Variants in MBD5 observed in about 807,000 individuals in gnomAD.
The protein encoded by MBD5 is methyl-CpG binding domain protein 5.
Under a neutral mutation model 117.3 loss-of-function variants are expected in MBD5, and 13 were observed. The ratio of observed to expected loss-of-function variants is 0.11; its 90% CI spans 0.07 to 0.18. The LOEUF (loss-of-function observed/expected upper bound fraction) is 0.18. Among genes scored for constraint, MBD5 ranks in the 10% least tolerant of loss-of-function variants. MBD5 has a pLI of 1.00. For missense variants in MBD5, 1,879 were observed against 2,093.8 expected, an observed-to-expected ratio of 0.90 and a Z score of 2.00; for synonymous variants, 727 against 766.4, an observed-to-expected ratio of 0.95 and a Z score of 0.85.
intron 1 of MBD5, among the ~76,000 whole-genome samples, chr2:148,085,257 G>A (rs1176325498): frequency 6.6e-6 from 1 of 152,178 alleles, no homozygotes; most frequent in African/African-American, 2.4e-5. Context: ...ACTGGTAATT[G>A]TGGTTGATTG....
chr2:148,268,784 T>G (rs1328201211), intron 3 of MBD5, among the ~76,000 whole-genome samples: 2 of 151,936 alleles, frequency 1.3e-5, no homozygotes, highest in African/African-American at 4.8e-5. Context: ...ATATATTTTA[T>G]TAAATTTCCC....
intron 1 of MBD5, among the ~76,000 whole-genome samples, chr2:148,151,937 T>A (rs909835947): frequency 6.6e-6 from 1 of 151,874 alleles, no homozygotes; most frequent in Admixed American, 6.6e-5. Flanking sequence ...TGTCTCTCTT[T>A]CCTTCAGTTC....
At chr2:148,345,828 G>T (rs551178438) in intron 4 of MBD5, among the ~76,000 whole-genome samples, 2 of 151,886 alleles carry the variant, frequency 1.3e-5, no homozygotes, top group East Asian at 3.9e-4. Flanking sequence ...GAAGAACTTG[G>T]AGTCCAATGT....
intron 3 of MBD5, among the ~76,000 whole-genome samples, chr2:148,259,758 T>C (rs1191514806): frequency 3.3e-5 from 5 of 152,202 alleles, no homozygotes; most frequent in Non-Finnish European, 7.3e-5. Context: ...CATCTAATGC[T>C]CCTCACGTGG....
Position 148,046,399 on chromosome 2 carries a change from A to G in MBD5, c.-925+24715A>G, listed in dbSNP as rs1694535279. ...ACACATCAAAATAATTCAGCATATG[A>G]TTAAGTTGTAGACTGAGTGGTTAGC... On this transcript the variant is annotated intron_variant, in intron 1 of 13. Coordinates refer to ENST00000642680, the MANE Select transcript of MBD5 (RefSeq NM_001378120.1). Among the ~76,000 whole-genome samples the G allele has an allele frequency of 2.6e-5, 4 of 152,188 alleles. No individual in the cohort carries two copies. The South Asian group carries it at 8.3e-4, about 32-fold the overall frequency.
intron 1 of MBD5, among the ~76,000 whole-genome samples, chr2:148,074,508 T>G (rs1470802331): frequency 5.4e-5 from 2 of 37,006 alleles, no homozygotes; most frequent in Non-Finnish European, 1.2e-4. Flanking sequence ...TTTTTTTTTG[T>G]TTTTTTTTTT....
chr2:148,243,136 A>G (rs1445814729), intron 3 of MBD5, among the ~76,000 whole-genome samples: 1 of 148,628 alleles, frequency 6.7e-6, no homozygotes, highest in African/African-American at 2.4e-5. Context: ...CCACCAAAAA[A>G]AAAAAACTGC....
intron 1 of MBD5, among the ~76,000 whole-genome samples, chr2:148,117,177 A>G (rs1020609832): frequency 4.6e-5 from 7 of 152,154 alleles, no homozygotes; most frequent in Non-Finnish European, 1.0e-4. Flanking sequence ...GCAATTACCC[A>G]TAAGAGAAGC....
rs554127473 is a variant in MBD5 at position 148,263,546 on chromosome 2, C to T, written c.-680+30151C>T. The stretch of plus-strand genomic sequence containing the variant: ...TGAAAGAAGCCAATAAAGCTAGAAT[C>T]ACTTAGATTAGGAAGTTTTAGGGAG... On this transcript the variant is annotated intron_variant, in intron 3 of 13. Transcript: ENST00000642680. 8.0e-4 allele frequency among the ~76,000 whole-genome samples: 121 copies of T among 152,170 alleles called. 1 individual carries two copies. The highest frequency in any genetic ancestry group is 3.4e-3 in the Middle Eastern group (1 of 294).
At chr2:148,043,161 C>T (rs12105411) in intron 1 of MBD5, among the ~76,000 whole-genome samples, 54,849 of 151,628 alleles carry the variant, frequency 0.36, 10,105 homozygotes, top group East Asian at 0.51. Context: ...CACTGTGGCT[C>T]ACACCTGTAA....
chr2:148,264,538 T>C (rs1406069938), intron 3 of MBD5: 1 of 152,156 alleles, frequency 6.6e-6, no homozygotes, highest in African/African-American at 2.4e-5. Flanking sequence ...TGATTCACGA[T>C]AGTTGCTAGG....
intron 4 of MBD5, among the ~76,000 whole-genome samples, chr2:148,405,092 C>T (rs1410998251): frequency 1.3e-5 from 2 of 152,070 alleles, no homozygotes; most frequent in East Asian, 3.9e-4. Context: ...TTTCTTTCTA[C>T]CTTTATTCCT....
At chr2:148,364,287 C>T (rs962347920) in intron 4 of MBD5, among the ~76,000 whole-genome samples, 10 of 152,136 alleles carry the variant, frequency 6.6e-5, no homozygotes, top group African/African-American at 2.2e-4. Context: ...TACAGACAAG[C>T]AAATGCTGAG....
chr2:148,215,071 C>A (rs1699519215), intron 2 of MBD5, among the ~76,000 whole-genome samples: 1 of 152,128 alleles, frequency 6.6e-6, no homozygotes, highest in African/African-American at 2.4e-5. Context: ...TTAAGGATTG[C>A]ACATTAATTT....
intron 4 of MBD5, chr2:148,346,656 T>G (rs1192995206): frequency 1.3e-5 from 2 of 151,910 alleles, no homozygotes; most frequent in East Asian, 3.9e-4. Flanking sequence ...TGCCAAATTT[T>G]TCTTGTGGAG....
intron 5 of MBD5, 144 bp from the exon 6 acceptor site, chr2:148,462,438 C>G (rs916647655): frequency 4.5e-5 from 29 of 644,626 alleles, no homozygotes; most frequent in South Asian, 1.3e-4. Flanking sequence ...AATTTAGTAG[C>G]TAACATAATA....
At chr2:148,057,879 C>T (rs1484863136) in intron 1 of MBD5, among the ~76,000 whole-genome samples, 3 of 151,842 alleles carry the variant, frequency 2.0e-5, no homozygotes, top group African/African-American at 7.2e-5. Flanking sequence ...TGTTTTATTG[C>T]TGCTTTGTAA....
chr2:148,091,317 C>T (rs925939943), intron 1 of MBD5, among the ~76,000 whole-genome samples: 4 of 152,044 alleles, frequency 2.6e-5, no homozygotes, highest in Non-Finnish European at 5.9e-5. Context: ...TCCTCAAATT[C>T]ATATAGAACC....
chr2:148,099,648 A>G (rs1320405446), intron 1 of MBD5, among the ~76,000 whole-genome samples: 1 of 152,194 alleles, frequency 6.6e-6, no homozygotes, highest in Admixed American at 6.5e-5. Flanking sequence ...AAAATTTTCT[A>G]GAACCCAAAT....
Sources: allele counts gnomAD v4.1 joint callset (sites outside exome capture counted in the v4.1 genomes callset), GRCh38; gene constraint gnomAD v4.1.1; transcripts MANE v1.5; gene names NCBI Gene and HGNC (gene_info 2026-07-23, HGNC 2026-07-21).